Variants in BICC1 observed in about 807,000 individuals in gnomAD.
BICC1 encodes the protein protein bicaudal C homolog 1.
BICC1 carries 43 observed loss-of-function variants against 111.0 expected under a neutral mutation model. That is an observed-to-expected ratio of 0.39 (90% CI 0.30 to 0.50). BICC1 has a LOEUF of 0.50. BICC1 is among the 20% of genes least tolerant of loss of function. The pLI, the probability that BICC1 is intolerant of heterozygous loss-of-function variation, is 0.88. For missense variants in BICC1, 1,091 were observed against 1,203.2 expected (o/e 0.91, Z 1.38); for synonymous variants, 467 against 434.4 (o/e 1.07, Z -0.93).
At chr10:58,618,388 C>G (rs1845688631) in intron 1 of BICC1, among the ~76,000 whole-genome samples, 1 of 152,346 alleles carries the variant, frequency 6.6e-6, no homozygotes, top group Admixed American at 6.5e-5. Context: ...AGGTGATCAC[C>G]CATGTGAGGT....
At chr10:58,659,448 T>A (rs1231295363) in intron 2 of BICC1, among the ~76,000 whole-genome samples, 3 of 152,198 alleles carry the variant, frequency 2.0e-5, no homozygotes, top group African/African-American at 7.2e-5. Context: ...TGGATGGAGC[T>A]GGAGGTCATT....
intron 3 of BICC1, among the ~76,000 whole-genome samples, chr10:58,733,872 G>A (rs1192721634): frequency 5.3e-5 from 8 of 152,312 alleles, no homozygotes; most frequent in Admixed American, 6.5e-5. Context: ...AACTATGAAT[G>A]TTGTCCTGGG....
rs112087092 is a variant in BICC1, at chr10:58,657,626, G to T, written c.237+36725G>T. Among the ~76,000 whole-genome samples the T allele has an allele frequency of 5.3e-3, 805 of 152,250 alleles. 2 individuals are homozygous for T. Among genetic ancestry groups the T allele is most frequent in the African/African-American group, 0.017 (724 of 41,544 alleles). The stretch of plus-strand genomic sequence containing the variant: ...TCTTGCTTAGTTAATGTATTTTCAA[G>T]ATTCAGGATTCAAAATGTACAAAGG... On this transcript the variant is annotated intron_variant, in intron 2 of 20. Coordinates refer to ENST00000373886, the MANE Select transcript of BICC1 (RefSeq NM_001080512.3).
intron 2 of BICC1, among the ~76,000 whole-genome samples, chr10:58,678,144 A>G (rs1433359191): frequency 6.6e-6 from 1 of 152,208 alleles, no homozygotes. Context: ...CTAACAGGCA[A>G]AATAACGGGC....
intron 1 of BICC1, among the ~76,000 whole-genome samples, chr10:58,615,970 C>G (rs1845589822): frequency 6.6e-6 from 1 of 152,092 alleles, no homozygotes; most frequent in Admixed American, 6.5e-5. Flanking sequence ...ACACCCAGTC[C>G]CTGAGGGATG....
chr10:58,811,816 T>C (rs978871517), intron 17 of BICC1, among the ~76,000 whole-genome samples: 6 of 152,124 alleles, frequency 3.9e-5, no homozygotes, highest in Non-Finnish European at 7.4e-5. Flanking sequence ...AGCTAAAACC[T>C]AGATGCCAAG....
At chr10:58,701,414 C>A (rs959826274) in intron 2 of BICC1, among the ~76,000 whole-genome samples, 1 of 152,124 alleles carries the variant, frequency 6.6e-6, no homozygotes, top group African/African-American at 2.4e-5. Context: ...CGTTGCTTCC[C>A]TCACTTGTCC....
chr10:58,543,890 C>A (rs2131891968), intron 1 of BICC1, among the ~76,000 whole-genome samples: 2 of 145,746 alleles, frequency 1.4e-5, no homozygotes, highest in African/African-American at 2.5e-5. Flanking sequence ...CCTGATAGGA[C>A]AAATTTGCCT....
At chr10:58,756,348 T>A (rs1223810962) in intron 3 of BICC1, among the ~76,000 whole-genome samples, 1 of 152,198 alleles carries the variant, frequency 6.6e-6, no homozygotes, top group East Asian at 1.9e-4. Context: ...CTCGCTGTTT[T>A]GTGATTTTGT....
chr10:58,636,494 G>A (rs1359009947), intron 2 of BICC1, among the ~76,000 whole-genome samples: 1 of 152,090 alleles, frequency 6.6e-6, no homozygotes, highest in African/African-American at 2.4e-5. Flanking sequence ...AGGAGCTGTT[G>A]TCTGAGATAG....
At chr10:58,601,584 C>A (rs1845041998) in intron 1 of BICC1, among the ~76,000 whole-genome samples, 1 of 151,658 alleles carries the variant, frequency 6.6e-6, no homozygotes, top group Admixed American at 6.6e-5. Context: ...TTTTTAAGAC[C>A]TAGACTCTTA....
chr10:58,696,608 A>G (rs1008609832), intron 2 of BICC1, among the ~76,000 whole-genome samples: 3 of 152,198 alleles, frequency 2.0e-5, no homozygotes, highest in African/African-American at 7.2e-5. Context: ...TTCTTATGAC[A>G]TATAAGATTG....
intron 1 of BICC1, among the ~76,000 whole-genome samples, chr10:58,575,419 C>T (rs7912792): frequency 0.36 from 55,383 of 152,008 alleles, 11,322 homozygotes; most frequent in Admixed American, 0.56. Flanking sequence ...TTACTATCTC[C>T]ATTTTATAGT....
chr10:58,664,901 A>G (rs1308616086), intron 2 of BICC1, among the ~76,000 whole-genome samples: 1 of 152,076 alleles, frequency 6.6e-6, no homozygotes, highest in Non-Finnish European at 1.5e-5. Flanking sequence ...TGCTGTAGTT[A>G]CCTTGAGTGC....
Position 58,639,910 on chromosome 10 carries a change from G to A in BICC1, c.237+19009G>A, listed in dbSNP as rs754687258. On this transcript the variant is annotated intron_variant, in intron 2 of 20. Coordinates refer to ENST00000373886, the MANE Select transcript of BICC1 (RefSeq NM_001080512.3). Reference sequence around the variant, plus strand: ...GTATTTTTTGTAGAGACAGGGTTTCGCCATGTTGCCCAGACTGGCTGCCAT... The same window carrying A: ...GTATTTTTTGTAGAGACAGGGTTTCACCATGTTGCCCAGACTGGCTGCCAT... 3.3e-5 allele frequency among the ~76,000 whole-genome samples: 5 copies of A among 151,488 alleles called. No individual in the cohort carries two copies. The South Asian group carries it at 6.3e-4, about 19-fold the overall frequency.
chr10:58,524,464 T>G (rs1187615901), intron 1 of BICC1, among the ~76,000 whole-genome samples: 2 of 152,244 alleles, frequency 1.3e-5, no homozygotes, highest in South Asian at 2.1e-4. Context: ...ATTCCCTATT[T>G]AATAAATGGT....
intron 2 of BICC1, among the ~76,000 whole-genome samples, chr10:58,656,222 A>G (rs1391852622): frequency 4.0e-5 from 6 of 151,724 alleles, no homozygotes; most frequent in Admixed American, 6.6e-5. Flanking sequence ...TTACCAACCA[A>G]AAAGAGTCCA....
intron 1 of BICC1, among the ~76,000 whole-genome samples, chr10:58,556,921 TTAG>T (rs1843464487): frequency 6.6e-6 from 1 of 152,044 alleles, no homozygotes; most frequent in African/African-American, 2.4e-5. Context: ...AGGTGTGTGG[TTAG>T]TAGAATTATG....
chr10:58,775,311 T>A (rs1484338018), intron 3 of BICC1, among the ~76,000 whole-genome samples: 1 of 151,930 alleles, frequency 6.6e-6, no homozygotes, highest in Admixed American at 6.6e-5. Context: ...GAGGTGGAAG[T>A]TGCAGTGAGC....
Sources: gnomAD v4.1 joint callset for allele counts (sites outside exome capture counted in the v4.1 genomes callset) on GRCh38, gnomAD v4.1.1 for gene constraint, MANE v1.5 for transcripts, NCBI Gene and HGNC (gene_info 2026-07-23, HGNC 2026-07-21) for gene names.